The following SEMA4A variants were observed in gnomAD, a reference collection of about 807,000 sequenced individuals.
SEMA4A encodes semaphorin 4A, also known as semaphorin-4A.
A neutral mutation model predicts 72.5 loss-of-function variants in SEMA4A; 52 were observed. That is an observed-to-expected ratio of 0.72 (90% CI 0.57 to 0.90). The LOEUF is 0.90. Among genes scored for constraint, SEMA4A ranks in the 40% least tolerant of loss-of-function variants. The probability of loss-of-function intolerance (pLI) is 0.00; values close to 1 mark genes in which losing one functional copy is unlikely to be tolerated. For synonymous variants in SEMA4A, 369 were observed against 393.1 expected (o/e 0.94, Z 0.73); for missense variants, 926 against 959.7 (o/e 0.96, Z 0.46).
Position 156,177,130 on chromosome 1 carries a change from TGCATCACTGATGACACTCAG to T in SEMA4A, c.*134_*153del. On this transcript the variant is annotated 3_prime_UTR_variant, in exon 15 of 15. Coordinates refer to ENST00000368285, the MANE Select transcript of SEMA4A (RefSeq NM_022367.4). ...CCCCTGAGAGGAGCTTCTGCTACTC[TGCATCACTGATGACACTCAG>T]CAGGGTGATGCACAGCAGTCTGCCT... The T allele has an allele frequency of 2.5e-6, 2 of 797,112 alleles. No individual in the cohort carries two copies. The highest frequency in any genetic ancestry group is 4.2e-6 in the Non-Finnish European group (2 of 473,394). 49.4% of individuals were successfully genotyped at this position (797,112 alleles called of 1,614,324 possible).
chr1:156,165,569 T>C (rs1282630219), intron 10 of SEMA4A, among the ~76,000 whole-genome samples: 1 of 152,224 alleles, frequency 6.6e-6, no homozygotes, highest in Non-Finnish European at 1.5e-5. Flanking sequence ...TATTATCTTC[T>C]AGCTTCCAGA....
At position 156,176,679 on chromosome 1, in the gene SEMA4A, C is replaced by A. The variant is rs1171019978; in HGVS notation, c.1968C>A (p.Ile656=). The stretch of plus-strand genomic sequence containing the variant: ...CCCTGGATCCTGAACTGGCAGGCAT[C>A]CCCCGGGAGCATGTGAAGGTCCCGT... ...TLALDPELAG[I]PREHVKVPLT... Residue 656 remains isoleucine (I), a synonymous_variant, in exon 15 of 15, where the codon ATC becomes ATA. Transcript: ENST00000368285. The A allele has an allele frequency of 4.3e-6, 7 of 1,614,132 alleles. No individual in the cohort carries two copies. Among genetic ancestry groups the A allele is most frequent in the Middle Eastern group, 1.6e-4 (1 of 6,062 alleles).
chr1:156,168,425 T>C (rs1019318284), intron 10 of SEMA4A, among the ~76,000 whole-genome samples: 2 of 151,798 alleles, frequency 1.3e-5, no homozygotes, highest in Admixed American at 6.6e-5. Flanking sequence ...GGTTTCACCG[T>C]GTTGGCCAGA....
Position 156,174,857 on chromosome 1 carries a change from G to A in SEMA4A, c.1351G>A (p.Asp451Asn). 13 of 1,614,180 alleles carry A rather than the reference G, an allele frequency of 8.1e-6. No individual in the cohort carries two copies. The highest frequency in any genetic ancestry group is 1.1e-5 in the Non-Finnish European group (13 of 1,180,008). ...GCTCCACAAGGCTGTGGTAAGTGGG[G>A]ACAGCAGTGCTCATCTGGTGGAAGA... ...GSLHKAVVSG[D>N]SSAHLVEEIQ... The change falls in exon 12 of 15, where the codon GAC becomes AAC. Residue 451 changes from aspartate (D) to asparagine (N), a missense_variant. By Grantham distance (23) the Asp-to-Asn change is conservative (BLOSUM62 1). Coordinates refer to ENST00000368285, the MANE Select transcript of SEMA4A (RefSeq NM_022367.4).
Position 156,160,430 on chromosome 1 carries a change from T to C in SEMA4A, c.569-13T>C, listed in dbSNP as rs750958745. 2 of 1,600,636 alleles carry C rather than the reference T, an allele frequency of 1.2e-6. No homozygotes were observed. Among genetic ancestry groups the C allele is most frequent in the Admixed American group, 3.3e-5 (2 of 59,988 alleles). ...ACCCCATCAGTTCTCTCTTCTCCTC[T>C]CCTCCACCCTAGATGGGATGCTCTA... On this transcript the variant is annotated splice_polypyrimidine_tract_variant and intron_variant, in intron 6 of 14. Transcript: ENST00000368285.
chr1:156,149,424 C>T (rs948072029), upstream of SEMA4A, among the ~76,000 whole-genome samples: 1 of 152,186 alleles, frequency 6.6e-6, no homozygotes, highest in Non-Finnish European at 1.5e-5. Context: ...GAGCCACCTT[C>T]TTCTCAGGCA....
At chr1:156,164,550 G>A (rs762787072) in intron 10 of SEMA4A, among the ~76,000 whole-genome samples, 1 of 152,204 alleles carries the variant, frequency 6.6e-6, no homozygotes, top group African/African-American at 2.4e-5. Flanking sequence ...AATGCAAATC[G>A]GCTTTCTAAC....
Position 156,175,638 on chromosome 1 carries a change from C to G in SEMA4A, c.1675C>G (p.Gln559Glu), listed in dbSNP as rs1167859247. The G allele has an allele frequency of 6.2e-7, 1 of 1,608,796 alleles. No homozygotes were observed. The highest frequency in any genetic ancestry group is 8.5e-7 in the Non-Finnish European group (1 of 1,177,712). The change falls in exon 14 of 15, where the codon CAG (glutamine) becomes GAG (glutamate). Residue 559 changes from glutamine (Q) to glutamate (E), a missense_variant. Physicochemically the swap from Gln to Glu is conservative, Grantham distance 29 (BLOSUM62 2). Coordinates refer to ENST00000368285, the MANE Select transcript of SEMA4A (RefSeq NM_022367.4). ...CCCCATGAGCAGGAGCCTTCGGCCT[C>G]AGAGCCGCCCGCAAATCAGTGAGTG... is the stretch of plus-strand genomic sequence containing the variant. ...SGPMSRSLRP[Q>E]SRPQIIKEVL...
intron 9 of SEMA4A, 77 bp downstream of exon 9, chr1:156,161,595 A>G (rs1653673646): frequency 1.3e-6 from 2 of 1,518,588 alleles, no homozygotes; most frequent in African/African-American, 2.8e-5. Context: ...GAGCGGAGGC[A>G]GGAATTGACA....
intron 10 of SEMA4A, among the ~76,000 whole-genome samples, chr1:156,168,325 G>T (rs567940997): frequency 6.6e-5 from 10 of 151,198 alleles, no homozygotes; most frequent in Admixed American, 2.6e-4. Context: ...TGGTTCAAGC[G>T]ATTCTCCTGC....
chr1:156,154,687 G>T lies in SEMA4A; in HGVS notation c.109G>T (p.Gly37Trp). 6.3e-7 allele frequency: 1 copy of T among 1,592,396 alleles called. No homozygotes were observed. Among genetic ancestry groups the T allele is most frequent in the East Asian group, 2.3e-5 (1 of 44,262 alleles). Residue 37 changes from glycine to tryptophan, a missense_variant, in exon 2 of 15, where the codon GGG (glycine) becomes TGG (tryptophan). Coordinates refer to ENST00000368285, the MANE Select transcript of SEMA4A (RefSeq NM_022367.4). ...GACGACCGCGGGGGGAGGCGGGCAGGGGCCCATGCCCAGGGTCAGATACTA... is the reference window on the plus strand; with the variant it reads ...GACGACCGCGGGGGGAGGCGGGCAGTGGCCCATGCCCAGGGTCAGATACTA... ...PTTTAGGGGQ[G>W]PMPRVRYYAG...
upstream of SEMA4A, chr1:156,153,503 C>G (rs1248815905): frequency 6.6e-6 from 1 of 152,220 alleles, no homozygotes; most frequent in Non-Finnish European, 1.5e-5. Context: ...TTATTCCCTC[C>G]CAATCCACCA....
At chr1:156,170,905 T>G (rs1269430591) in intron 10 of SEMA4A, among the ~76,000 whole-genome samples, 2 of 151,444 alleles carry the variant, frequency 1.3e-5, no homozygotes, top group Non-Finnish European at 2.9e-5. Context: ...TGGATGACAG[T>G]GAGACCCTGT....
rs745366238 is a variant in SEMA4A, at chr1:156,158,744, C to T, written c.488C>T (p.Pro163Leu). Residue 163 changes from proline (P) to leucine (L), a missense_variant, in exon 6 of 15, where the codon CCC becomes CTC. Physicochemically the swap from Pro to Leu is moderately conservative, Grantham distance 98 (BLOSUM62 -3). Transcript: ENST00000368285. ...FIELQDSYLL[P>L]ISEDKVMEGK... ...GAACTTCAAGATTCCTACCTGTTGC[C>T]CATCTCGGAGGACAAGGTCATGGAG... 2 of 1,614,028 alleles carry T rather than the reference C, an allele frequency of 1.2e-6. No individual in the cohort carries two copies. The highest frequency in any genetic ancestry group is 1.7e-6 in the Non-Finnish European group (2 of 1,179,978).
intron 10 of SEMA4A, among the ~76,000 whole-genome samples, chr1:156,171,663 G>T (rs1177964949): frequency 2.0e-5 from 3 of 152,058 alleles, no homozygotes; most frequent in African/African-American, 7.3e-5. Flanking sequence ...TGCAACCTCC[G>T]CCTCCCATGT....
intron 13 of SEMA4A, 105 bp from the exon 14 acceptor site, chr1:156,175,451 C>T (rs915735043): frequency 5.9e-5 from 65 of 1,110,650 alleles, no homozygotes; most frequent in Non-Finnish European, 8.5e-5. Context: ...TGTTCCTAGT[C>T]TCCCCTGGCC....
intron 10 of SEMA4A, among the ~76,000 whole-genome samples, chr1:156,170,052 A>G (rs11264451): frequency 0.43 from 65,103 of 151,108 alleles, 14,402 homozygotes; most frequent in African/African-American, 0.55. Context: ...CCCAGGTGCG[A>G]TGGCTGATGC....
intron 2 of SEMA4A, chr1:156,155,026 C>A: frequency 2.3e-6 from 1 of 434,912 alleles, no homozygotes; most frequent in South Asian, 2.5e-5. Flanking sequence ...TGTCACCAAG[C>A]TGGGCACCTC....
intron 14 of SEMA4A, among the ~76,000 whole-genome samples, chr1:156,175,875 T>C (rs751617185): frequency 6.6e-6 from 1 of 152,078 alleles, no homozygotes; most frequent in African/African-American, 2.4e-5. Context: ...GCAGTTGATT[T>C]TGGTGTCTGA....
Sources: gnomAD v4.1 joint callset for allele counts (sites outside exome capture counted in the v4.1 genomes callset) on GRCh38, gnomAD v4.1.1 for gene constraint, MANE v1.5 for transcripts, NCBI Gene and HGNC (gene_info 2026-07-23, HGNC 2026-07-21) for gene names.